The following SLC44A5 variants were observed in gnomAD, a reference collection of about 807,000 sequenced individuals.
SLC44A5 encodes the protein choline transporter-like protein 5.
A neutral mutation model predicts 101.8 loss-of-function variants in SLC44A5; 57 were observed. The ratio of observed to expected loss-of-function variants is 0.56; its 90% CI spans 0.45 to 0.70. SLC44A5 has a LOEUF of 0.70. SLC44A5 is among the 30% of genes least tolerant of loss of function. The pLI is 0.00. For missense variants in SLC44A5, 737 were observed against 853.1 expected (o/e 0.86, Z 1.70); for synonymous variants, 281 against 290.9 (o/e 0.97, Z 0.35).
intron 2 of SLC44A5, among the ~76,000 whole-genome samples, chr1:75,425,983 T>C (rs550840550): frequency 6.6e-6 from 1 of 152,308 alleles, no homozygotes; most frequent in East Asian, 1.9e-4. Flanking sequence ...CACCTCCATC[T>C]GGTTTTATTT....
intron 4 of SLC44A5, among the ~76,000 whole-genome samples, chr1:75,307,728 T>C (rs1280114149): frequency 6.6e-6 from 1 of 152,224 alleles, no homozygotes; most frequent in Non-Finnish European, 1.5e-5. Context: ...TCTTCCCACA[T>C]ACATTGTCTG....
intron 1 of SLC44A5, among the ~76,000 whole-genome samples, chr1:75,604,322 T>C (rs1025272240): frequency 3.3e-5 from 5 of 152,162 alleles, no homozygotes; most frequent in Non-Finnish European, 4.4e-5. Flanking sequence ...CAGCTGGCTA[T>C]AGGAATGCAG....
the SLC44A5 span, among the ~76,000 whole-genome samples, chr1:75,700,831 A>G: frequency 6.6e-6 from 1 of 152,232 alleles, no homozygotes; most frequent in Admixed American, 6.5e-5. Context: ...GGACATGTCC[A>G]CCAATCACAC....
At chr1:75,210,542 G>A (rs151158863) in intron 23 of SLC44A5, among the ~76,000 whole-genome samples, 3 of 152,200 alleles carry the variant, frequency 2.0e-5, no homozygotes, top group East Asian at 3.9e-4. Context: ...TGCACAGTGC[G>A]AATTGGCCCT....
rs569480629 is a variant in SLC44A5, at chr1:75,379,864, A to G, written c.52+16719T>C. On this transcript the variant is annotated intron_variant, in intron 3 of 23. Coordinates refer to ENST00000370859, the MANE Select transcript of SLC44A5 (RefSeq NM_001130058.2). Reference sequence around the variant, plus strand: ...ATTGTGGTCAAATTGGTCACTTAAAAAAGAATTGCCCAGTCTTAAATAAAC... The same window carrying G: ...ATTGTGGTCAAATTGGTCACTTAAAGAAGAATTGCCCAGTCTTAAATAAAC... Among the ~76,000 whole-genome samples, 24 of 83,108 alleles carry G rather than the reference A, an allele frequency of 2.9e-4. 10 individuals carry two copies. The highest frequency in any genetic ancestry group is 1.8e-3 in the African/African-American group (23 of 12,734). 54.5% of individuals were successfully genotyped at this position (83,108 alleles called of 152,430 possible).
chr1:75,464,910 G>C (rs1666729607), intron 2 of SLC44A5, among the ~76,000 whole-genome samples: 1 of 151,788 alleles, frequency 6.6e-6, no homozygotes, highest in South Asian at 2.1e-4. Flanking sequence ...AAGAAAGAGA[G>C]AGGCCCCAGT....
At chr1:75,600,669 G>C (rs1252636618) in intron 1 of SLC44A5, among the ~76,000 whole-genome samples, 1 of 152,048 alleles carries the variant, frequency 6.6e-6, no homozygotes, top group Non-Finnish European at 1.5e-5. Context: ...TTATGATATT[G>C]TATTTTTACT....
intron 3 of SLC44A5, among the ~76,000 whole-genome samples, chr1:75,366,125 T>C (rs1343986986): frequency 6.6e-6 from 1 of 152,234 alleles, no homozygotes; most frequent in Admixed American, 6.5e-5. Flanking sequence ...CTTTACCAGT[T>C]AGTTTTATAC....
intron 7 of SLC44A5, among the ~76,000 whole-genome samples, chr1:75,243,615 T>G (rs923400704): frequency 6.6e-6 from 1 of 152,104 alleles, no homozygotes; most frequent in Non-Finnish European, 1.5e-5. Flanking sequence ...TGAGGAATAA[T>G]AGGGATTTCA....
At chr1:75,326,833 C>T (rs1404233365) in intron 4 of SLC44A5, among the ~76,000 whole-genome samples, 1 of 151,972 alleles carries the variant, frequency 6.6e-6, no homozygotes, top group Non-Finnish European at 1.5e-5. Flanking sequence ...GCTCCAAAAT[C>T]TTAAAAAACA....
chr1:75,477,413 T>G (rs1049541774), intron 2 of SLC44A5, among the ~76,000 whole-genome samples: 2 of 152,122 alleles, frequency 1.3e-5, no homozygotes, highest in Non-Finnish European at 2.9e-5. Context: ...GAGAATGACT[T>G]TGACGAGTTG....
At chr1:75,443,373 A>T (rs1665318742) in intron 2 of SLC44A5, among the ~76,000 whole-genome samples, 1 of 151,874 alleles carries the variant, frequency 6.6e-6, no homozygotes, top group Admixed American at 6.6e-5. Flanking sequence ...ATTGATACAT[A>T]AAAAAAGAAA....
At chr1:75,683,420 G>A in the SLC44A5 span, among the ~76,000 whole-genome samples, 2 of 151,606 alleles carry the variant, frequency 1.3e-5, no homozygotes, top group East Asian at 3.9e-4. Context: ...GGAATACTAT[G>A]CAGCCATAAA....
At chr1:75,410,321 A>G (rs888284267) in intron 2 of SLC44A5, among the ~76,000 whole-genome samples, 1 of 152,226 alleles carries the variant, frequency 6.6e-6, no homozygotes, top group East Asian at 1.9e-4. Flanking sequence ...TTATTCATGC[A>G]ATTAATTACC....
chr1:75,685,280 C>T, the SLC44A5 span, among the ~76,000 whole-genome samples: 9 of 152,236 alleles, frequency 5.9e-5, no homozygotes, highest in African/African-American at 1.9e-4. Context: ...CTTGGACATG[C>T]CCTGGAAACA....
At chr1:75,563,419 T>C (rs1426805279) in intron 1 of SLC44A5, among the ~76,000 whole-genome samples, 1 of 152,084 alleles carries the variant, frequency 6.6e-6, no homozygotes, top group Non-Finnish European at 1.5e-5. Context: ...GTAAAACATG[T>C]ACTTTGTCTG....
At chr1:75,261,159 A>G (rs1369068593) in intron 6 of SLC44A5, among the ~76,000 whole-genome samples, 1 of 152,162 alleles carries the variant, frequency 6.6e-6, no homozygotes, top group African/African-American at 2.4e-5. Context: ...AGAAAGCAAG[A>G]AATTACTAAG....
chr1:75,552,625 GGT>G (rs1491494246), intron 1 of SLC44A5, among the ~76,000 whole-genome samples: 2 of 69,916 alleles, frequency 2.9e-5, no homozygotes, highest in East Asian at 1.5e-3. Flanking sequence ...TTGTATGGCT[GGT>G]TTTTTTTTTT....
chr1:75,389,343 A>G (rs904468389), intron 3 of SLC44A5, among the ~76,000 whole-genome samples: 3 of 152,216 alleles, frequency 2.0e-5, no homozygotes, highest in African/African-American at 7.2e-5. Context: ...CATCTACAAG[A>G]TACTACCCAA....
Sources: allele counts gnomAD v4.1 joint callset (sites outside exome capture counted in the v4.1 genomes callset), GRCh38; gene constraint gnomAD v4.1.1; transcripts MANE v1.5; gene names NCBI Gene and HGNC (gene_info 2026-07-23, HGNC 2026-07-21).